The following DLG5 variants were observed in gnomAD, a reference collection of about 807,000 sequenced individuals.
DLG5 encodes disks large homolog 5.
DLG5 carries 48 observed loss-of-function variants against 189.8 expected under a neutral mutation model. The ratio of observed to expected loss-of-function variants is 0.25; its 90% CI spans 0.20 to 0.32. The LOEUF is 0.32. Among genes scored for constraint, DLG5 ranks in the 10% least tolerant of loss-of-function variants. The pLI is 1.00. For synonymous variants in DLG5, 1,016 were observed against 1,054.1 expected, an observed-to-expected ratio of 0.96 and a Z score of 0.70; for missense variants, 2,160 against 2,544.7, an observed-to-expected ratio of 0.85 and a Z score of 3.25.
At chr10:77,867,049 C>T (rs1250553413) in intron 2 of DLG5, 1 of 457,124 alleles carries the variant, frequency 2.2e-6, no homozygotes, top group Non-Finnish European at 4.4e-6. Flanking sequence ...GCCTGTGATG[C>T]CCAGGAAGAG....
intron 4 of DLG5, among the ~76,000 whole-genome samples, chr10:77,853,844 G>T (rs1844100204): frequency 6.6e-6 from 1 of 152,184 alleles, no homozygotes; most frequent in Admixed American, 6.5e-5. Context: ...GATATCAGCA[G>T]GTGGGCAGGC....
At chr10:77,910,882 G>T (rs571083087) in intron 1 of DLG5, among the ~76,000 whole-genome samples, 155 of 149,034 alleles carry the variant, frequency 1.0e-3, no homozygotes, top group Non-Finnish European at 1.9e-3. Context: ...TGAGACACAA[G>T]AATCTCTTGA....
At chr10:77,806,965 T>C in intron 25 of DLG5, 37 bp from the exon 26 acceptor site, 3 of 1,589,698 alleles carry the variant, frequency 1.9e-6, no homozygotes, top group Non-Finnish European at 2.6e-6. Context: ...ATCAGGCGGC[T>C]CTGGCCACCA....
At position 77,835,936 on chromosome 10, in the gene DLG5, G is replaced by C. The variant is rs2154576099; in HGVS notation, c.1438-14C>G. 4 of 1,602,390 alleles carry C rather than the reference G, an allele frequency of 2.5e-6. No homozygotes were observed. Among genetic ancestry groups the C allele is most frequent in the Non-Finnish European group, 3.4e-6 (4 of 1,170,946 alleles). ...CGTGTCTTTGATCTGGTGGGAGCAA[G>C]GGGCAGGAAGAGGGAGAGGTTGCTG... On this transcript the variant is annotated splice_polypyrimidine_tract_variant and intron_variant, in intron 7 of 31. Coordinates refer to ENST00000372391, the MANE Select transcript of DLG5 (RefSeq NM_004747.4).
intron 7 of DLG5, among the ~76,000 whole-genome samples, chr10:77,840,991 CT>C (rs1307688915): frequency 2.0e-5 from 3 of 152,206 alleles, no homozygotes; most frequent in Non-Finnish European, 4.4e-5. Context: ...TTGCTTTTTG[CT>C]TCTCATAAAC....
intron 5 of DLG5, among the ~76,000 whole-genome samples, chr10:77,849,583 C>G (rs1589213907): frequency 3.3e-5 from 5 of 152,348 alleles, no homozygotes; most frequent in Admixed American, 3.3e-4. Context: ...ACTGGTCCAG[C>G]TGAACTGACC....
At chr10:77,847,700 G>A (rs138195185) in intron 5 of DLG5, among the ~76,000 whole-genome samples, 110 of 152,242 alleles carry the variant, frequency 7.2e-4, no homozygotes, top group African/African-American at 2.3e-3. Context: ...ACAGTCAAAT[G>A]TTTAGCTTCC....
chr10:77,852,868 T>C (rs1039501301), intron 5 of DLG5, among the ~76,000 whole-genome samples: 1 of 152,220 alleles, frequency 6.6e-6, no homozygotes, highest in Non-Finnish European at 1.5e-5. Flanking sequence ...TGTGTATGTA[T>C]GTATGTATAT....
intron 20 of DLG5, among the ~76,000 whole-genome samples, chr10:77,815,275 G>A (rs1264959063): frequency 6.6e-6 from 1 of 152,244 alleles, no homozygotes; most frequent in Non-Finnish European, 1.5e-5. Flanking sequence ...TTCCCCTACT[G>A]GGGCCAGGCC....
chr10:77,798,748 G>C (rs1427439052), intron 27 of DLG5, among the ~76,000 whole-genome samples: 1 of 152,118 alleles, frequency 6.6e-6, no homozygotes, highest in Non-Finnish European at 1.5e-5. Flanking sequence ...CCTGCTGATG[G>C]ACACTACGTC....
Position 77,809,576 on chromosome 10 carries a change from C to T in DLG5, c.4618G>A (p.Gly1540Ser), listed in dbSNP as rs1027667360. The T allele has an allele frequency of 5.0e-6, 8 of 1,613,898 alleles. No individual in the cohort carries two copies. Among genetic ancestry groups the T allele is most frequent in the East Asian group, 4.5e-5 (2 of 44,888 alleles). ...AGGATGAGGTCCCCTGGCACGAGGCCGTCAGGACCCTTGGCAGGACTGTCA... is the reference window on the plus strand; with the variant it reads ...AGGATGAGGTCCCCTGGCACGAGGCTGTCAGGACCCTTGGCAGGACTGTCA... ...EDDSPAKGPD[G>S]LVPGDLILEY... Residue 1540 changes from glycine to serine, a missense_variant, in exon 24 of 32, where the codon GGC (glycine) becomes AGC (serine). By Grantham distance (56) the Gly-to-Ser change is moderately conservative (BLOSUM62 0). Around this residue, in one of 5 missense-constraint regions of DLG5, gnomAD observed 574 missense variants for 644.2 expected, o/e 0.89. Transcript: ENST00000372391.
intron 1 of DLG5, among the ~76,000 whole-genome samples, chr10:77,897,499 A>G (rs927343165): frequency 1.3e-5 from 2 of 152,204 alleles, no homozygotes; most frequent in African/African-American, 4.8e-5. Context: ...TTTCCTCTTA[A>G]TAAACTAATG....
Position 77,821,324 on chromosome 10 carries a change from CA to C in DLG5, c.3159del (p.Asp1054ThrfsTer73), listed in dbSNP as rs1410404112. 1.2e-6 allele frequency: 2 copies of C among 1,613,248 alleles called. No homozygotes were observed. Among genetic ancestry groups the C allele is most frequent in the Admixed American group, 3.3e-5 (2 of 60,020 alleles). ...TGCATGGGCTCCCCGGGGTCCACGT[CA>C]GGGGGCAGGGCGCTCGGGGGACTAG... is the stretch of plus-strand genomic sequence containing the variant. ...PSTSPPSALP[P>X]DVDPGEPMHA... is the part of the protein sequence containing the mutation. On this transcript the variant is annotated frameshift_variant, in exon 15 of 32. Transcript: ENST00000372391. LOFTEE classifies it high-confidence loss of function.
intron 6 of DLG5, among the ~76,000 whole-genome samples, chr10:77,842,832 C>G (rs1843491174): frequency 6.6e-6 from 1 of 152,218 alleles, no homozygotes; most frequent in African/African-American, 2.4e-5. Context: ...TACTGCACAA[C>G]ACCACGCTGA....
intron 20 of DLG5, among the ~76,000 whole-genome samples, chr10:77,813,144 G>C (rs1841866658): frequency 6.6e-6 from 1 of 152,256 alleles, no homozygotes; most frequent in Non-Finnish European, 1.5e-5. Flanking sequence ...TAACAGAAAA[G>C]ACAGTCAAGT....
In DLG5 at chr10:77,843,730, A is replaced by T. The variant is rs778540128; in HGVS notation, c.865-24T>A. ...ACCTGGAGACCAGACAGTTTCACTTACCAAGGGTCTGTGGGAGGTGGCGGA... is the reference window on the plus strand; with the variant it reads ...ACCTGGAGACCAGACAGTTTCACTTTCCAAGGGTCTGTGGGAGGTGGCGGA... On this transcript the variant is annotated intron_variant, in intron 5 of 31. Transcript: ENST00000372391. 1.9e-6 allele frequency: 3 copies of T among 1,613,164 alleles called. No individual in the cohort carries two copies. In the South Asian group the frequency reaches 3.3e-5, roughly 18 times the overall value.
chr10:77,807,983 C>A (rs1188938668), intron 24 of DLG5, 39 bp from the exon 25 acceptor site: 3 of 1,611,224 alleles, frequency 1.9e-6, no homozygotes, highest in South Asian at 2.2e-5. Context: ...AAGGCAGAAG[C>A]CAGGGGGCAG....
At chr10:77,898,792 G>C (rs1845840201) in intron 1 of DLG5, among the ~76,000 whole-genome samples, 1 of 152,230 alleles carries the variant, frequency 6.6e-6, no homozygotes, top group Admixed American at 6.5e-5. Context: ...GGAAGTAGAG[G>C]AAGCTCCGTG....
chr10:77,854,127 G>T, intron 4 of DLG5, 100 bp downstream of exon 4: 5 of 1,464,162 alleles, frequency 3.4e-6, no homozygotes, highest in Non-Finnish European at 4.6e-6. Flanking sequence ...ACAGGGACAG[G>T]ACTAGAACCA....
Sources: gnomAD v4.1 joint callset for allele counts (sites outside exome capture counted in the v4.1 genomes callset) on GRCh38, gnomAD v4.1.1 for gene constraint, gnomAD v4.1.1 regional missense constraint, MANE v1.5 for transcripts, NCBI Gene and HGNC (gene_info 2026-07-23, HGNC 2026-07-21) for gene names.